OSBPL6: variants seen among roughly 807,000 people sequenced by gnomAD.
OSBPL6 encodes oxysterol binding protein like 6, also known as oxysterol-binding protein-related protein 6.
In OSBPL6, 49 loss-of-function variants were observed where a neutral mutation model predicts 125.8. The observed-to-expected ratio is 0.39, with a 90% CI of 0.31 to 0.49. OSBPL6 has a LOEUF of 0.49. Among genes scored for constraint, OSBPL6 ranks in the 20% least tolerant of loss-of-function variants. The pLI, the probability that OSBPL6 is intolerant of heterozygous loss-of-function variation, is 0.88. For missense variants in OSBPL6, 986 were observed against 1,135.4 expected, an observed-to-expected ratio of 0.87 and a Z score of 1.89; for synonymous variants, 394 against 391.8, an observed-to-expected ratio of 1.01 and a Z score of -0.07.
At chr2:178,314,937 A>G (rs1204203856) in intron 3 of OSBPL6, among the ~76,000 whole-genome samples, 1 of 152,198 alleles carries the variant, frequency 6.6e-6, no homozygotes, top group Middle Eastern at 3.2e-3. Context: ...TGTAGGCAGC[A>G]TTTGTCAATC....
intron 1 of OSBPL6, among the ~76,000 whole-genome samples, chr2:178,224,726 G>A (rs2090478480): frequency 6.6e-6 from 1 of 152,174 alleles, no homozygotes; most frequent in Non-Finnish European, 1.5e-5. Flanking sequence ...CTTGAGTCCA[G>A]GAGTTCAAGA....
chr2:178,308,202 G>T (rs1388640637), intron 3 of OSBPL6, among the ~76,000 whole-genome samples: 1 of 152,142 alleles, frequency 6.6e-6, no homozygotes, highest in Non-Finnish European at 1.5e-5. Context: ...CTCCCTAAGG[G>T]GAGAGAAGAA....
chr2:178,202,135 A>G (rs1416690596), intron 1 of OSBPL6, among the ~76,000 whole-genome samples: 1 of 152,178 alleles, frequency 6.6e-6, no homozygotes, highest in African/African-American at 2.4e-5. Context: ...TTATATTGTT[A>G]CTGCTTTTGT....
intron 12 of OSBPL6, among the ~76,000 whole-genome samples, chr2:178,354,837 G>A (rs188927238): frequency 6.7e-6 from 1 of 149,382 alleles, no homozygotes; most frequent in Non-Finnish European, 1.5e-5. Flanking sequence ...ATAATTGGAA[G>A]TAAAGCACTC....
chr2:178,370,082 T>C (rs368748834), intron 13 of OSBPL6, among the ~76,000 whole-genome samples: 2 of 152,060 alleles, frequency 1.3e-5, no homozygotes, highest in East Asian at 3.9e-4. Flanking sequence ...CTGGCGAACA[T>C]GGCAAAACTT....
At chr2:178,244,678 A>G (rs374054478) in intron 1 of OSBPL6, among the ~76,000 whole-genome samples, 12 of 152,230 alleles carry the variant, frequency 7.9e-5, no homozygotes, top group African/African-American at 2.2e-4. Flanking sequence ...GGCATTTGCT[A>G]TGCAGAGGGA....
At chr2:178,377,390 G>A (rs1693979070) in intron 15 of OSBPL6, among the ~76,000 whole-genome samples, 1 of 152,184 alleles carries the variant, frequency 6.6e-6, no homozygotes. Flanking sequence ...CCATTCCAGA[G>A]AAAACCGTTC....
At chr2:178,346,244 G>A (rs1301592548) in intron 11 of OSBPL6, among the ~76,000 whole-genome samples, 1 of 152,154 alleles carries the variant, frequency 6.6e-6, no homozygotes, top group Non-Finnish European at 1.5e-5. Flanking sequence ...TCTTTCCCAT[G>A]GAAGAACACT....
At chr2:178,242,184 G>GA (rs1482392468) in intron 1 of OSBPL6, among the ~76,000 whole-genome samples, 1 of 152,146 alleles carries the variant, frequency 6.6e-6, no homozygotes, top group East Asian at 1.9e-4. Flanking sequence ...TATGTACTCA[G>GA]AAAAAAGAAA....
intron 1 of OSBPL6, among the ~76,000 whole-genome samples, chr2:178,252,197 C>T (rs1248066458): frequency 6.6e-6 from 1 of 152,264 alleles, no homozygotes; most frequent in Non-Finnish European, 1.5e-5. Flanking sequence ...AGTATTGTTA[C>T]TAACATTAAT....
chr2:178,245,350 A>T (rs1225909217), intron 1 of OSBPL6, among the ~76,000 whole-genome samples: 1 of 152,188 alleles, frequency 6.6e-6, no homozygotes, highest in Non-Finnish European at 1.5e-5. Flanking sequence ...GTGACAATGT[A>T]TGTATAGTTG....
Position 178,272,958 on chromosome 2 carries a change from G to A in OSBPL6, c.-350-11969G>A, listed in dbSNP as rs117015263. On this transcript the variant is annotated intron_variant, in intron 1 of 24. Coordinates refer to ENST00000190611, the MANE Select transcript of OSBPL6 (RefSeq NM_032523.4). ...AGATGGGCTGAGGAAATTCCCATAG[G>A]TGCTGAGTGAAAGTTATGAAAGTTA... 4.5e-4 allele frequency among the ~76,000 whole-genome samples: 69 copies of A among 152,314 alleles called. 1 individual carries two copies. The highest frequency in any genetic ancestry group is 3.5e-3 in the East Asian group (18 of 5,186).
chr2:178,285,724 C>T (rs920564204), intron 2 of OSBPL6, among the ~76,000 whole-genome samples: 4 of 152,216 alleles, frequency 2.6e-5, no homozygotes, highest in Non-Finnish European at 4.4e-5. Flanking sequence ...CACCACTTAG[C>T]TGCACCCTCC....
At chr2:178,222,771 A>T (rs1416238926) in intron 1 of OSBPL6, among the ~76,000 whole-genome samples, 1 of 152,220 alleles carries the variant, frequency 6.6e-6, no homozygotes, top group African/African-American at 2.4e-5. Context: ...GAGAAATAAG[A>T]TAGACCCTCT....
chr2:178,291,460 G>A (rs1209856219), intron 2 of OSBPL6, among the ~76,000 whole-genome samples: 1 of 152,060 alleles, frequency 6.6e-6, no homozygotes, highest in Non-Finnish European at 1.5e-5. Flanking sequence ...AGAGACTGAA[G>A]GTGTTCCAGT....
intron 13 of OSBPL6, among the ~76,000 whole-genome samples, chr2:178,366,984 C>T (rs767662083): frequency 6.6e-6 from 1 of 152,196 alleles, no homozygotes; most frequent in Admixed American, 6.5e-5. Flanking sequence ...AACAATCATG[C>T]ACATATTCAT....
intron 8 of OSBPL6, among the ~76,000 whole-genome samples, chr2:178,335,166 T>A (rs752817458): frequency 5.7e-4 from 86 of 152,154 alleles, no homozygotes; most frequent in Middle Eastern, 3.4e-3. Flanking sequence ...AGACTATTGA[T>A]GAAAATATTT....
chr2:178,394,265 C>T, intron 23 of OSBPL6, 48 bp from the exon 24 acceptor site: 4 of 1,588,036 alleles, frequency 2.5e-6, no homozygotes, highest in Non-Finnish European at 3.4e-6. Flanking sequence ...TTTTTTTTCC[C>T]CCAGAAAAGA....
chr2:178,339,704 G>A lies in OSBPL6; in HGVS notation c.927G>A (p.Lys309=). 6.2e-7 allele frequency: 1 copy of A among 1,606,062 alleles called. No homozygotes were observed. The highest frequency in any genetic ancestry group is 1.3e-5 in the African/African-American group (1 of 74,534). Residue 309 remains lysine (K), a synonymous_variant, in exon 11 of 25, where the codon AAG becomes AAA. Transcript: ENST00000190611. The part of the protein sequence containing the change: ...ANCVDISKKD[K]RVTRRWRTKS... ...GTGTAGATATTTCAAAGAAAGACAA[G>A]CGGGTCACAAGACGATGGAGAACAA...
Sources: gnomAD v4.1 joint callset for allele counts (sites outside exome capture counted in the v4.1 genomes callset) on GRCh38, gnomAD v4.1.1 for gene constraint, MANE v1.5 for transcripts, NCBI Gene and HGNC (gene_info 2026-07-23, HGNC 2026-07-21) for gene names.